NEO1: variants seen among roughly 807,000 people sequenced by gnomAD.
NEO1 encodes neogenin.
In NEO1, 63 loss-of-function variants were observed where a neutral mutation model predicts 159.7. The observed-to-expected ratio is 0.39, with a 90% CI of 0.32 to 0.49. The LOEUF is 0.49. Ranked by LOEUF, NEO1 falls within the 20% of genes least tolerant of loss-of-function variation. The pLI is 0.85. For synonymous variants in NEO1, 633 were observed against 662.0 expected (o/e 0.96, Z 0.67); for missense variants, 1,615 against 1,831.0 (o/e 0.88, Z 2.15).
intron 5 of NEO1, among the ~76,000 whole-genome samples, chr15:73,172,017 G>A (rs1567380523): frequency 6.6e-6 from 1 of 152,034 alleles, no homozygotes; most frequent in African/African-American, 2.4e-5. Context: ...GCTTATAGAG[G>A]TACTCATTTA....
chr15:73,130,316 C>CCCCA (rs1555433354), intron 4 of NEO1, among the ~76,000 whole-genome samples: 1 of 150,278 alleles, frequency 6.7e-6, no homozygotes, highest in South Asian at 2.2e-4. Context: ...CCGCCCCCCC[C>CCCCA]GCCGCATAAG....
intron 5 of NEO1, among the ~76,000 whole-genome samples, chr15:73,138,794 G>A (rs2032083364): frequency 6.6e-6 from 1 of 152,050 alleles, no homozygotes; most frequent in Non-Finnish European, 1.5e-5. Context: ...AAAACAAAGG[G>A]GGAGTTTTAA....
At chr15:73,097,938 A>G (rs2070169728) in intron 1 of NEO1, among the ~76,000 whole-genome samples, 1 of 151,954 alleles carries the variant, frequency 6.6e-6, no homozygotes, top group Non-Finnish European at 1.5e-5. Flanking sequence ...AAAGTAGTAA[A>G]ATGAATTTAT....
In NEO1 at chr15:73,221,226, G is replaced by C. The variant is rs185513337; in HGVS notation, c.1292-15121G>C. Among the ~76,000 whole-genome samples, 1,321 of 152,336 alleles carry C rather than the reference G, an allele frequency of 8.7e-3. 20 individuals are homozygous for C. The highest frequency in any genetic ancestry group is 0.03 in the African/African-American group (1,247 of 41,568). On this transcript the variant is annotated intron_variant, in intron 7 of 28. Coordinates refer to ENST00000261908, the MANE Select transcript of NEO1 (RefSeq NM_002499.4). ...TGTTTGCCTGGGTATCAGCAGCAGT[G>C]TCTGCAGAACAGCGGTTTTTCGTGA...
intron 3 of NEO1, among the ~76,000 whole-genome samples, chr15:73,123,585 T>G (rs180855773): frequency 6.6e-6 from 1 of 152,198 alleles, no homozygotes; most frequent in Admixed American, 6.5e-5. Context: ...CTTCTTTTTG[T>G]GTGTCTTCTC....
intron 4 of NEO1, among the ~76,000 whole-genome samples, chr15:73,133,902 G>T (rs2031441003): frequency 6.6e-6 from 1 of 152,026 alleles, no homozygotes; most frequent in Non-Finnish European, 1.5e-5. Context: ...ACTCACATAT[G>T]CCAAATATCA....
chr15:73,223,524 C>T (rs1243962183), intron 7 of NEO1, among the ~76,000 whole-genome samples: 3 of 152,166 alleles, frequency 2.0e-5, no homozygotes, highest in African/African-American at 7.2e-5. Context: ...GGCCTTTTAC[C>T]ATTATATAAT....
In NEO1 at chr15:73,302,818, AC is replaced by A. The variant is rs1349947292; in HGVS notation, c.*123del. 6 of 885,630 alleles carry A rather than the reference AC, an allele frequency of 6.8e-6. No homozygotes were observed. In the Admixed American group the frequency reaches 1.3e-4, roughly 19 times the overall value. The allele number at this position is 885,630 out of a possible 1,614,324, so 54.9% of individuals were successfully genotyped here. ...TTGAGAACACAGAATGAGCCAGCAG[AC>A]TGGCCAGCGCCTCTGTGTAGGGCTG... On this transcript the variant is annotated 3_prime_UTR_variant, in exon 29 of 29. Transcript: ENST00000261908.
At chr15:73,274,868 T>A in intron 21 of NEO1, 144 bp downstream of exon 21, 1 of 759,250 alleles carries the variant, frequency 1.3e-6, no homozygotes, top group Non-Finnish European at 2.1e-6. Context: ...CAAAGTAGAG[T>A]TGAGTCCATG....
chr15:73,085,394 G>A (rs1195151966), intron 1 of NEO1, among the ~76,000 whole-genome samples: 1 of 152,256 alleles, frequency 6.6e-6, no homozygotes, highest in East Asian at 1.9e-4. Context: ...TGGGTTGCCA[G>A]CAGTTCGTAG....
intron 1 of NEO1, among the ~76,000 whole-genome samples, chr15:73,073,005 G>A (rs1174361697): frequency 3.9e-5 from 6 of 152,114 alleles, no homozygotes; most frequent in East Asian, 1.9e-4. Context: ...AAGAACATGC[G>A]TTTAATTTTG....
Position 73,298,436 on chromosome 15 carries a change from T to C in NEO1, c.3990T>C (p.Ala1330=), listed in dbSNP as rs1398403391. Residue 1330 remains alanine (A), a synonymous_variant, in exon 27 of 29, where the codon GCT becomes GCC. Coordinates refer to ENST00000261908, the MANE Select transcript of NEO1 (RefSeq NM_002499.4). ...CCTDHQDPEG[A]TSSSYLASSQ... ...CTGATCACCAGGACCCTGAAGGTGC[T>C]ACCAGCTCCTCTTACTTGGCCAGCT... The C allele has an allele frequency of 6.2e-7, 1 of 1,614,226 alleles. No individual in the cohort carries two copies. The highest frequency in any genetic ancestry group is 8.5e-7 in the Non-Finnish European group (1 of 1,180,052).
At chr15:73,121,356 T>C (rs748002400) in intron 2 of NEO1, among the ~76,000 whole-genome samples, 3 of 152,186 alleles carry the variant, frequency 2.0e-5, no homozygotes, top group Non-Finnish European at 4.4e-5. Context: ...CCTGAATAGA[T>C]TCAGATTCCT....
intron 3 of NEO1, among the ~76,000 whole-genome samples, chr15:73,124,738 A>G (rs1219844747): frequency 6.6e-6 from 1 of 151,950 alleles, no homozygotes; most frequent in South Asian, 2.1e-4. Context: ...TTCTACCTTC[A>G]TTTTACTTCA....
Position 73,258,457 on chromosome 15 carries a change from A to G in NEO1, c.2093-309A>G, listed in dbSNP as rs140823537. On this transcript the variant is annotated intron_variant, in intron 13 of 28. Transcript: ENST00000261908. ...GCCTTAGCTTTCTTTGTAACACAAT[A>G]AAGGGATTGCATTAAATGATCTCTG... 9.2e-5 allele frequency among the ~76,000 whole-genome samples: 14 copies of G among 152,302 alleles called. No homozygotes were observed. The East Asian group carries it at 2.5e-3, about 27-fold the overall frequency.
intron 24 of NEO1, 22 bp from the exon 25 acceptor site, chr15:73,289,124 A>G: frequency 6.2e-7 from 1 of 1,609,368 alleles, no homozygotes; most frequent in Non-Finnish European, 8.5e-7. Flanking sequence ...GCTGGTAACT[A>G]ACCTCCACGT....
chr15:73,224,860 G>C (rs145303574), intron 7 of NEO1, among the ~76,000 whole-genome samples: 11 of 151,946 alleles, frequency 7.2e-5, no homozygotes, highest in South Asian at 2.1e-4. Context: ...TGATTTTTTG[G>C]GGGGGGTGTT....
intron 5 of NEO1, among the ~76,000 whole-genome samples, chr15:73,172,328 G>A (rs2035025873): frequency 1.3e-5 from 2 of 152,052 alleles, no homozygotes; most frequent in East Asian, 3.9e-4. Context: ...CCTATAAAAT[G>A]GAAATAATAT....
At position 73,205,091 on chromosome 15, in the gene NEO1, G is replaced by A. The variant is rs559871563; in HGVS notation, c.1291+26664G>A. Among the ~76,000 whole-genome samples the A allele has an allele frequency of 2.0e-5, 3 of 152,240 alleles. No individual in the cohort carries two copies. The East Asian group carries it at 5.8e-4, about 29-fold the overall frequency. On this transcript the variant is annotated intron_variant, in intron 7 of 28. Transcript: ENST00000261908. ...TAGTTGTTTCCGCTATTATTCTTGA[G>A]CACTGTTTGTATAATGTTAAGATGT...
Sources: allele counts gnomAD v4.1 joint callset (sites outside exome capture counted in the v4.1 genomes callset), GRCh38; gene constraint gnomAD v4.1.1; transcripts MANE v1.5; gene names NCBI Gene and HGNC (gene_info 2026-07-23, HGNC 2026-07-21).